Variants in RNF112 observed in about 807,000 individuals in gnomAD.
The protein encoded by RNF112 is ring finger protein 112.
In RNF112, 34 loss-of-function variants were observed where a neutral mutation model predicts 64.7. That is an observed-to-expected ratio of 0.53 (90% CI 0.40 to 0.70). RNF112 has a LOEUF of 0.70. Ranked by LOEUF, RNF112 falls within the 30% of genes least tolerant of loss-of-function variation. The pLI is 0.00. For synonymous variants in RNF112, 345 were observed against 344.5 expected (o/e 1.00, Z -0.02); for missense variants, 734 against 850.0 (o/e 0.86, Z 1.70).
rs1913845818 is a variant in RNF112, at chr17:19,415,420, G to T, written c.1350+81G>T. On this transcript the variant is annotated intron_variant, in intron 12 of 13. Coordinates refer to ENST00000461366, the MANE Select transcript of RNF112 (RefSeq NM_007148.5). The surrounding 1 kb of genome is among the most constrained non-coding windows in gnomAD (Gnocchi z 7.8). The stretch of plus-strand genomic sequence containing the variant: ...TGGGGGCTGTGCCGAGGCCTCCGGG[G>T]TGGGGGTCTGTGTGCCCTGGGAGTG... The T allele has an allele frequency of 1.9e-6, 3 of 1,543,148 alleles. No homozygotes were observed. The East Asian group carries it at 7.1e-5, about 37-fold the overall frequency.
Position 19,414,092 on chromosome 17 carries a change from C to A in RNF112, c.826-3C>A. The A allele has an allele frequency of 6.2e-7, 1 of 1,600,154 alleles. No individual in the cohort carries two copies. Among genetic ancestry groups the A allele is most frequent in the Non-Finnish European group, 8.6e-7 (1 of 1,168,280 alleles). Reference sequence around the variant, plus strand: ...TCATACATGTTGTTCTCTCTGATTCCAGATCCTCAGCACCTCCCAGGAGCT... The same window carrying A: ...TCATACATGTTGTTCTCTCTGATTCAAGATCCTCAGCACCTCCCAGGAGCT... On this transcript the variant is annotated splice_region_variant and splice_polypyrimidine_tract_variant and intron_variant, in intron 6 of 13. Transcript: ENST00000461366.
intron 6 of RNF112, 37 bp from the exon 7 acceptor site, chr17:19,414,058 T>C: frequency 6.3e-7 from 1 of 1,583,632 alleles, no homozygotes; most frequent in Non-Finnish European, 8.7e-7. Flanking sequence ...ACCCGGCCTC[T>C]GTAATCTCTC....
rs376523166 is a variant in RNF112 at position 19,412,943 on chromosome 17, G to A, written c.387G>A (p.Thr129=). ...CCTCTCTTCTCCTGGCCCAGGAGAC[G>A]TGTCCTGTGAGGGCGGAGCCGCTGC... is the stretch of plus-strand genomic sequence containing the variant. ...QRPLPPALQE[T]CPVRAEPLLL... Residue 129 remains threonine (T), a synonymous_variant, in exon 4 of 14, where the codon ACG becomes ACA. Transcript: ENST00000461366. This position sits in a 1 kb window ranked among gnomAD's most constrained non-coding sequence, Gnocchi z 5.1. 8.4e-5 allele frequency: 133 copies of A among 1,589,452 alleles called. No individual in the cohort carries two copies. The highest frequency in any genetic ancestry group is 1.1e-4 in the Non-Finnish European group (126 of 1,167,954).
In RNF112 at chr17:19,416,485, C is replaced by G. The variant is rs981862923; in HGVS notation, c.*310C>G. 9.7e-6 allele frequency: 3 copies of G among 308,174 alleles called. No individual in the cohort carries two copies. The highest frequency in any genetic ancestry group is 1.8e-5 in the Non-Finnish European group (3 of 165,746). The allele number at this position is 308,174 out of a possible 1,614,324, so 19.1% of individuals were successfully genotyped here. On this transcript the variant is annotated 3_prime_UTR_variant, in exon 14 of 14. Coordinates refer to ENST00000461366, the MANE Select transcript of RNF112 (RefSeq NM_007148.5). Reference sequence around the variant, plus strand: ...GCTGCAAGTGAGACTCCACCCTCCCCACCTGGCTCATTTCCCCGATGACCC... The same window carrying G: ...GCTGCAAGTGAGACTCCACCCTCCCGACCTGGCTCATTTCCCCGATGACCC...
At chr17:19,411,522 T>C in intron 1 of RNF112, 60 bp downstream of exon 1, 3 of 375,410 alleles carry the variant, frequency 8.0e-6, no homozygotes, top group Non-Finnish European at 1.3e-5. Context: ...CTCCTTGGGC[T>C]GGGGGATGGG....
At position 19,413,590 on chromosome 17, in the gene RNF112, T is replaced by C; in HGVS notation, c.734T>C (p.Leu245Pro). The C allele has an allele frequency of 1.9e-6, 3 of 1,613,138 alleles. No homozygotes were observed. The highest frequency in any genetic ancestry group is 2.5e-6 in the Non-Finnish European group (3 of 1,179,548). ...GKEGKKVAVF[L>P]VDTGDAMSPE... ...CCCCCTGCATAGGTGGCGGTGTTCC[T>C]GGTGGACACAGGGGATGCCATGAGC... Residue 245 changes from leucine (L) to proline (P), a missense_variant, in exon 6 of 14, where the codon CTG becomes CCG. By Grantham distance (98) the Leu-to-Pro change is moderately conservative. Transcript: ENST00000461366. This position sits in a 1 kb window ranked among gnomAD's most constrained non-coding sequence, Gnocchi z 5.9.
rs758369387 is a variant in RNF112 at position 19,413,447 on chromosome 17, G to A, written c.720+36G>A. 36 of 1,595,528 alleles carry A rather than the reference G, an allele frequency of 2.3e-5. No homozygotes were observed. Among genetic ancestry groups the A allele is most frequent in the Non-Finnish European group, 2.8e-5 (33 of 1,166,228 alleles). ...AAGTGGCAGAAGGAGGTCAGGGATG[G>A]GAAGGGGAATCAAGAAGGGCGTCTC... On this transcript the variant is annotated intron_variant, in intron 5 of 13. Coordinates refer to ENST00000461366, the MANE Select transcript of RNF112 (RefSeq NM_007148.5). This position sits in a 1 kb window ranked among gnomAD's most constrained non-coding sequence, Gnocchi z 5.9.
Position 19,413,392 on chromosome 17 carries a change from T to G in RNF112, c.701T>G (p.Leu234Arg). The change falls in exon 5 of 14, where the codon CTG becomes CGG. Residue 234 changes from leucine (L) to arginine (R), a missense_variant. By Grantham distance (102) the Leu-to-Arg change is moderately radical. Transcript: ENST00000461366. This position sits in a 1 kb window ranked among gnomAD's most constrained non-coding sequence, Gnocchi z 5.9. Reference sequence around the variant, plus strand: ...TGGATGTGGAGCCACCCCTTCTTGCTGGGGAAAGAAGGGAAGAAGGTGAGG... The same window carrying G: ...TGGATGTGGAGCCACCCCTTCTTGCGGGGGAAAGAAGGGAAGAAGGTGAGG... The part of the protein sequence containing the change: ...GIWMWSHPFL[L>R]GKEGKKVAVF... 1 of 1,610,466 alleles carries G rather than the reference T, an allele frequency of 6.2e-7. No individual in the cohort carries two copies. Among genetic ancestry groups the G allele is most frequent in the Non-Finnish European group, 8.5e-7 (1 of 1,178,522 alleles).
rs964835005 is a variant in RNF112 at position 19,414,813 on chromosome 17, G to A, written c.1052G>A (p.Gly351Glu). Reference protein sequence around the residue: ...RYPKVQELLQGKRARCCLLPA... With the variant: ...RYPKVQELLQEKRARCCLLPA... The stretch of plus-strand genomic sequence containing the variant: ...CCCAAGGTGCAGGAGCTGCTGCAAG[G>A]GAAGCGAGCCCGTTGCTGCCTCTTG... The change falls in exon 10 of 14, where the codon GGG becomes GAG. Residue 351 changes from glycine (G) to glutamate (E), a missense_variant. Coordinates refer to ENST00000461366, the MANE Select transcript of RNF112 (RefSeq NM_007148.5). The A allele has an allele frequency of 7.4e-6, 12 of 1,613,616 alleles. No homozygotes were observed. Among genetic ancestry groups the A allele is most frequent in the African/African-American group, 1.3e-5 (1 of 74,910 alleles).
At position 19,414,642 on chromosome 17, in the gene RNF112, T is replaced by G. The variant is rs776533979; in HGVS notation, c.990T>G (p.His330Gln). 4 of 1,612,810 alleles carry G rather than the reference T, an allele frequency of 2.5e-6. No individual in the cohort carries two copies. In the South Asian group the frequency reaches 4.4e-5, roughly 18 times the overall value. Residue 330 changes from histidine (H) to glutamine (Q), a missense_variant, in exon 9 of 14, where the codon CAT (histidine) becomes CAG (glutamine). Physicochemically the swap from His to Gln is conservative, Grantham distance 24 (BLOSUM62 0). Coordinates refer to ENST00000461366, the MANE Select transcript of RNF112 (RefSeq NM_007148.5). ...ACCCCAACAAGGCAGGGCAGGGGCA[T>G]GTAGGCAACATCTTCCAGGTGAGTG... ...SSHPNKAGQG[H>Q]VGNIFQRLSG... is the part of the protein sequence containing the mutation.
chr17:19,413,693 C>T lies in RNF112; in HGVS notation c.825+12C>T, dbSNP rs139264237. 7.3e-4 allele frequency: 1,153 copies of T among 1,574,916 alleles called. 3 individuals are homozygous for T. Among genetic ancestry groups the T allele is most frequent in the Middle Eastern group, 1.5e-3 (9 of 5,992 alleles). On this transcript the variant is annotated intron_variant, in intron 6 of 13. Coordinates refer to ENST00000461366, the MANE Select transcript of RNF112 (RefSeq NM_007148.5). This position sits in a 1 kb window ranked among gnomAD's most constrained non-coding sequence, Gnocchi z 5.9. ...TGAGCTCCTACCAGGTGATGGGGGG[C>T]GCTGATGTTGGCATCCCCACCCCAC...
Position 19,413,604 on chromosome 17 carries a change from G to T in RNF112, c.748G>T (p.Asp250Tyr). The T allele has an allele frequency of 6.2e-7, 1 of 1,613,350 alleles. No individual in the cohort carries two copies. Among genetic ancestry groups the T allele is most frequent in the Non-Finnish European group, 8.5e-7 (1 of 1,179,658 alleles). ...KVAVFLVDTGDAMSPELSRET... is the reference protein window; with the variant it reads ...KVAVFLVDTGYAMSPELSRET... ...GGCGGTGTTCCTGGTGGACACAGGG[G>T]ATGCCATGAGCCCTGAGCTGAGCAG... Residue 250 changes from aspartate (D) to tyrosine (Y), a missense_variant, in exon 6 of 14, where the codon GAT (aspartate) becomes TAT (tyrosine). Coordinates refer to ENST00000461366, the MANE Select transcript of RNF112 (RefSeq NM_007148.5). The surrounding 1 kb of genome is among the most constrained non-coding windows in gnomAD (Gnocchi z 5.9).
At position 19,417,056 on chromosome 17, in the gene RNF112, T is replaced by G. The variant is rs1440821699; in HGVS notation, c.*881T>G. On this transcript the variant is annotated 3_prime_UTR_variant, in exon 14 of 14. Coordinates refer to ENST00000461366, the MANE Select transcript of RNF112 (RefSeq NM_007148.5). ...CAACTTCTACCCTTAAACACATCCT[T>G]TCTCCCCTGGGCTTGTAAGAAGATG... The G allele has an allele frequency of 6.6e-6, 1 of 152,084 alleles. No individual in the cohort carries two copies. Among genetic ancestry groups the G allele is most frequent in the African/African-American group, 2.4e-5 (1 of 41,382 alleles). 9.4% of individuals were successfully genotyped at this position (152,084 alleles called of 1,614,324 possible).
chr17:19,416,154 G>A lies in RNF112; in HGVS notation c.1875G>A (p.Glu625=). ...AGAGGCTTCTGGAAGGGGACCGAGA[G>A]CCCCTTCTCCAGGAAGAGTAACAGC... The part of the protein sequence containing the change: ...EDERLLEGDR[E]PLLQEE The change falls in exon 14 of 14, where the codon GAG becomes GAA. Residue 625 remains glutamate, a synonymous_variant. Coordinates refer to ENST00000461366, the MANE Select transcript of RNF112 (RefSeq NM_007148.5). 6.4e-7 allele frequency: 1 copy of A among 1,562,836 alleles called. No individual in the cohort carries two copies. The highest frequency in any genetic ancestry group is 8.7e-7 in the Non-Finnish European group (1 of 1,154,170).
chr17:19,413,676 T>C lies in RNF112; in HGVS notation c.820T>C (p.Tyr274His). Residue 274 changes from tyrosine (Y) to histidine (H), a missense_variant, in exon 6 of 14, where the codon TAC becomes CAC. Tyr to His is a moderately conservative substitution (Grantham distance 83, BLOSUM62 2). Coordinates refer to ENST00000461366, the MANE Select transcript of RNF112 (RefSeq NM_007148.5). The surrounding 1 kb of genome is among the most constrained non-coding windows in gnomAD (Gnocchi z 5.9). The part of the protein sequence containing the change: ...LCALTTMLSS[Y>H]QILSTSQELK... ...TGCTCTCACCACGATGCTGAGCTCC[T>C]ACCAGGTGATGGGGGGCGCTGATGT... 1 of 1,605,922 alleles carries C rather than the reference T, an allele frequency of 6.2e-7. No homozygotes were observed. The highest frequency in any genetic ancestry group is 8.5e-7 in the Non-Finnish European group (1 of 1,175,718).
Position 19,413,770 on chromosome 17 carries a change from G to T in RNF112, c.825+89G>T, listed in dbSNP as rs1913766326. On this transcript the variant is annotated intron_variant, in intron 6 of 13. Coordinates refer to ENST00000461366, the MANE Select transcript of RNF112 (RefSeq NM_007148.5). The surrounding 1 kb of genome is among the most constrained non-coding windows in gnomAD (Gnocchi z 5.9). Reference sequence around the variant, plus strand: ...AAGGCCAGAGCATCTCACAGGCTTTGGTGTCTGGGGTCCTGATAGGTTCTG... The same window carrying T: ...AAGGCCAGAGCATCTCACAGGCTTTTGTGTCTGGGGTCCTGATAGGTTCTG... 1 of 1,001,986 alleles carries T rather than the reference G, an allele frequency of 1.0e-6. No homozygotes were observed. Among genetic ancestry groups the T allele is most frequent in the Non-Finnish European group, 1.5e-6 (1 of 678,382 alleles). The allele number at this position is 1,001,986 out of a possible 1,614,324, so 62.1% of individuals were successfully genotyped here. A position where few individuals can be genotyped will look rare whatever the true frequency, so the allele number is the denominator to read the frequency against.
chr17:19,411,310 C>A lies in RNF112; in HGVS notation c.-99C>A. ...CGACCTCACCTTCTACCTACCGCAGCCTGCTAGCCTTTCCGGGAGAAAAGG... is the reference window on the plus strand; with the variant it reads ...CGACCTCACCTTCTACCTACCGCAGACTGCTAGCCTTTCCGGGAGAAAAGG... On this transcript the variant is annotated 5_prime_UTR_variant, in exon 1 of 14. Coordinates refer to ENST00000461366, the MANE Select transcript of RNF112 (RefSeq NM_007148.5). 8.6e-7 allele frequency: 1 copy of A among 1,168,298 alleles called. No individual in the cohort carries two copies. Among genetic ancestry groups the A allele is most frequent in the Non-Finnish European group, 1.2e-6 (1 of 819,682 alleles). The allele number at this position is 1,168,298 out of a possible 1,614,324, so 72.4% of individuals were successfully genotyped here. A position where few individuals can be genotyped will look rare whatever the true frequency, so the allele number is the denominator to read the frequency against.
Position 19,416,065 on chromosome 17 carries a change from G to T in RNF112, c.1786G>T (p.Val596Phe). ...CGTGGGGGCCACAGGGGCCGCTGTG[G>T]TTGGGGGTGGCGTGGGTGCTGGGTT... ...AAVGATGAAV[V>F]GGGVGAGLAA... is the part of the protein sequence containing the mutation. The change falls in exon 14 of 14, where the codon GTT becomes TTT. Residue 596 changes from valine to phenylalanine, a missense_variant. Val to Phe is a conservative substitution (Grantham distance 50, BLOSUM62 -1). Transcript: ENST00000461366. 2 of 1,569,476 alleles carry T rather than the reference G, an allele frequency of 1.3e-6. No homozygotes were observed. The highest frequency in any genetic ancestry group is 1.7e-6 in the Non-Finnish European group (2 of 1,158,604).
Position 19,412,216 on chromosome 17 carries a change from G to A in RNF112, c.96-282G>A, listed in dbSNP as rs1423973413. ...TGCATTTGCATGGCTGGGATGTGGT[G>A]GAGTCCATTCCACTCAGATTTTCTC... On this transcript the variant is annotated intron_variant, in intron 2 of 13. Coordinates refer to ENST00000461366, the MANE Select transcript of RNF112 (RefSeq NM_007148.5). The surrounding 1 kb of genome is among the most constrained non-coding windows in gnomAD (Gnocchi z 5.1). Among the ~76,000 whole-genome samples the A allele has an allele frequency of 6.6e-6, 1 of 152,192 alleles. No individual in the cohort carries two copies. The highest frequency in any genetic ancestry group is 2.4e-5 in the African/African-American group (1 of 41,452).
Sources: allele counts gnomAD v4.1 joint callset (sites outside exome capture counted in the v4.1 genomes callset), GRCh38; gene constraint gnomAD v4.1.1; non-coding constraint Gnocchi (gnomAD v3.1); transcripts MANE v1.5; gene names NCBI Gene and HGNC (gene_info 2026-07-23, HGNC 2026-07-21).